The following PAPSS2 variants were observed in gnomAD, a reference collection of about 807,000 sequenced individuals.
PAPSS2 encodes bifunctional 3'-phosphoadenosine 5'-phosphosulfate synthase 2.
A neutral mutation model predicts 66.5 loss-of-function variants in PAPSS2; 61 were observed. The ratio of observed to expected loss-of-function variants is 0.92; its 90% CI spans 0.75 to 1.14. The LOEUF is 1.14. Among genes scored for constraint, PAPSS2 ranks in the 50% most tolerant of loss-of-function variants. The pLI, the probability that PAPSS2 is intolerant of heterozygous loss-of-function variation, is 0.00. For missense variants in PAPSS2, 708 were observed against 789.6 expected, an observed-to-expected ratio of 0.90 and a Z score of 1.24; for synonymous variants, 289 against 287.5, an observed-to-expected ratio of 1.01 and a Z score of -0.05.
In PAPSS2 at chr10:87,723,416, C is replaced by T. The variant is rs546357386; in HGVS notation, c.880+1646C>T. On this transcript the variant is annotated intron_variant, in intron 8 of 12. Coordinates refer to ENST00000456849, the MANE Select transcript of PAPSS2 (RefSeq NM_001015880.2). ...CATGGAGATACATGTCATTTATTAG[C>T]CCATTTTTCCAGTGAGGAAACTGAG... 1.7e-3 allele frequency among the ~76,000 whole-genome samples: 251 copies of T among 144,206 alleles called. 1 individual carries two copies. Among genetic ancestry groups the T allele is most frequent in the African/African-American group, 5.9e-3 (239 of 40,468 alleles). The allele number at this position is 144,206 out of a possible 152,430, so 94.6% of individuals were successfully genotyped here.
At chr10:87,660,476 A>C in intron 1 of PAPSS2, 1 of 198,364 alleles carries the variant, frequency 5.0e-6, no homozygotes, top group African/African-American at 2.3e-5. Context: ...TTCATAGAGG[A>C]AACTGCAATT....
intron 1 of PAPSS2, among the ~76,000 whole-genome samples, chr10:87,702,210 A>G (rs777108710): frequency 3.9e-5 from 6 of 152,212 alleles, no homozygotes; most frequent in Non-Finnish European, 8.8e-5. Flanking sequence ...CTCAGGGAGG[A>G]AGCTGTGACA....
At chr10:87,713,978 G>C in intron 3 of PAPSS2, 66 bp from the exon 4 acceptor site, 2 of 1,560,008 alleles carry the variant, frequency 1.3e-6, no homozygotes, top group Non-Finnish European at 1.8e-6. Context: ...AAAGTACACA[G>C]TGTTTTGTGA....
At chr10:87,707,564 CTTTTT>C (rs747152482) in intron 1 of PAPSS2, among the ~76,000 whole-genome samples, 11,233 of 93,934 alleles carry the variant, frequency 0.12, 326 homozygotes, top group South Asian at 0.22. Context: ...TCTTTTTTTT[CTTTTT>C]TTTTTTTTTT....
At chr10:87,701,335 T>C (rs377286172) in intron 1 of PAPSS2, among the ~76,000 whole-genome samples, 1,183 of 59,130 alleles carry the variant, frequency 0.02, 8 homozygotes, top group South Asian at 0.052. Flanking sequence ...TTCCTTTCTT[T>C]CTTTCTTTCT....
At chr10:87,719,815 G>A (rs995890504) in intron 7 of PAPSS2, among the ~76,000 whole-genome samples, 3 of 152,118 alleles carry the variant, frequency 2.0e-5, no homozygotes, top group Non-Finnish European at 4.4e-5. Flanking sequence ...CATTTTCTGA[G>A]ACCTAGTCCA....
intron 1 of PAPSS2, among the ~76,000 whole-genome samples, chr10:87,664,824 A>G (rs1380503003): frequency 6.6e-6 from 1 of 152,242 alleles, no homozygotes; most frequent in Non-Finnish European, 1.5e-5. Context: ...CATAAATATA[A>G]CACTAGTTCA....
chr10:87,738,479 G>T (rs1853828367), intron 9 of PAPSS2, among the ~76,000 whole-genome samples: 1 of 151,824 alleles, frequency 6.6e-6, no homozygotes. Flanking sequence ...CGCAATCATG[G>T]CTCACTGCAG....
chr10:87,701,408 C>T (rs867532179), intron 1 of PAPSS2, among the ~76,000 whole-genome samples: 58 of 98,536 alleles, frequency 5.9e-4, no homozygotes, highest in Admixed American at 1.2e-3. Flanking sequence ...CTTTCTTTCT[C>T]TCTCTCTCTC....
intron 1 of PAPSS2, among the ~76,000 whole-genome samples, chr10:87,702,701 G>A (rs1853332949): frequency 6.6e-6 from 1 of 152,130 alleles, no homozygotes; most frequent in Non-Finnish European, 1.5e-5. Flanking sequence ...GGATTCAAGG[G>A]CACGTGCTTG....
chr10:87,737,216 G>A (rs1264436690), intron 9 of PAPSS2, among the ~76,000 whole-genome samples: 5 of 152,076 alleles, frequency 3.3e-5, no homozygotes, highest in Non-Finnish European at 4.4e-5. Context: ...TAATGTGTGG[G>A]ACACTATGAA....
rs372342090 is a variant in PAPSS2 at position 87,745,120 on chromosome 10, G to T, written c.1610G>T (p.Gly537Val). 131 of 1,614,014 alleles carry T rather than the reference G, an allele frequency of 8.1e-5. No individual in the cohort carries two copies. Among genetic ancestry groups the T allele is most frequent in the Non-Finnish European group, 1.1e-4 (128 of 1,180,008 alleles). Residue 537 changes from glycine (G) to valine (V), a missense_variant, in exon 12 of 13, where the codon GGG becomes GTG. Coordinates refer to ENST00000456849, the MANE Select transcript of PAPSS2 (RefSeq NM_001015880.2). ...TKKDLYEPTH[G>V]GKVLSMAPGL... is the part of the protein sequence containing the mutation. Reference sequence around the variant, plus strand: ...AAGGATCTGTATGAACCCACTCATGGGGGCAAGGTCTTGAGCATGGCCCCT... The same window carrying T: ...AAGGATCTGTATGAACCCACTCATGTGGGCAAGGTCTTGAGCATGGCCCCT...
At chr10:87,703,263 G>A (rs1853340503) in intron 1 of PAPSS2, among the ~76,000 whole-genome samples, 1 of 146,644 alleles carries the variant, frequency 6.8e-6, no homozygotes, top group Non-Finnish European at 1.5e-5. Context: ...CAGCAATAAT[G>A]ACAACAACAT....
intron 9 of PAPSS2, among the ~76,000 whole-genome samples, chr10:87,730,980 T>C (rs12269692): frequency 0.091 from 13,902 of 152,278 alleles, 1,296 homozygotes; most frequent in East Asian, 0.42. Context: ...AGATCATTGA[T>C]GTAGGTGGCT....
intron 1 of PAPSS2, among the ~76,000 whole-genome samples, chr10:87,704,520 G>T (rs1172986185): frequency 6.6e-6 from 1 of 152,214 alleles, no homozygotes; most frequent in Non-Finnish European, 1.5e-5. Flanking sequence ...GTGGGCAGCA[G>T]CACCTTAGTC....
chr10:87,701,404 T>TTC (rs60115570), intron 1 of PAPSS2, among the ~76,000 whole-genome samples: 1,697 of 57,614 alleles, frequency 0.029, 140 homozygotes, highest in Middle Eastern at 0.062. Flanking sequence ...TTCTCTTTCT[T>TTC]TCTCTCTCTC....
intron 1 of PAPSS2, among the ~76,000 whole-genome samples, chr10:87,706,817 C>A (rs1853396980): frequency 6.6e-6 from 1 of 152,110 alleles, no homozygotes; most frequent in African/African-American, 2.4e-5. Context: ...TTTGTTCACC[C>A]AGGGGAGATA....
In PAPSS2 at chr10:87,668,056, C is replaced by T. The variant is rs185054461; in HGVS notation, c.27+8048C>T. Among the ~76,000 whole-genome samples the T allele has an allele frequency of 4.3e-4, 65 of 152,206 alleles. 1 individual carries two copies. Among genetic ancestry groups the T allele is most frequent in the African/African-American group, 9.4e-4 (39 of 41,538 alleles). On this transcript the variant is annotated intron_variant, in intron 1 of 12. Transcript: ENST00000456849. ...GATTTAAACTACCTGGAAGAAAATC[C>T]GAGATTCTATCCCTATAAACTTTAT...
chr10:87,714,630 G>A, intron 4 of PAPSS2, 115 bp from the exon 5 acceptor site: 1 of 774,608 alleles, frequency 1.3e-6, no homozygotes, highest in East Asian at 2.5e-5. Context: ...GACCTTTTCT[G>A]TTAAAGTGTG....
Sources: allele counts gnomAD v4.1 joint callset (sites outside exome capture counted in the v4.1 genomes callset), GRCh38; gene constraint gnomAD v4.1.1; transcripts MANE v1.5; gene names NCBI Gene and HGNC (gene_info 2026-07-23, HGNC 2026-07-21).